Variants in VPS8 observed in about 807,000 individuals in gnomAD.
VPS8 encodes the protein vacuolar protein sorting-associated protein 8 homolog.
In VPS8, 129 loss-of-function variants were observed where a neutral mutation model predicts 216.4. That is an observed-to-expected ratio of 0.60 (90% CI 0.52 to 0.69). The LOEUF (loss-of-function observed/expected upper bound fraction) is 0.69, where lower values mean the gene tolerates loss of function less well. VPS8 is among the 30% of genes least tolerant of loss of function. The pLI is 0.00. For synonymous variants in VPS8, 571 were observed against 565.4 expected (o/e 1.01, Z -0.14); for missense variants, 1,531 against 1,683.5 (o/e 0.91, Z 1.59).
intron 45 of VPS8, 122 bp downstream of exon 45, chr3:184,999,983 T>C: frequency 9.0e-7 from 1 of 1,107,286 alleles, no homozygotes; most frequent in South Asian, 1.7e-5. Context: ...ATTGGGTACA[T>C]GAAATGTTCT....
At chr3:184,829,577 T>C (rs1719556047) in intron 3 of VPS8, among the ~76,000 whole-genome samples, 1 of 152,178 alleles carries the variant, frequency 6.6e-6, no homozygotes, top group Non-Finnish European at 1.5e-5. Context: ...CAGGTATAGT[T>C]ATATTCAGCT....
intron 29 of VPS8, among the ~76,000 whole-genome samples, chr3:184,923,606 G>A (rs1185105073): frequency 6.6e-6 from 1 of 152,124 alleles, no homozygotes; most frequent in Non-Finnish European, 1.5e-5. Flanking sequence ...ACGTTTAGTA[G>A]CTCCCCAGTT....
At position 184,839,757 on chromosome 3, in the gene VPS8, AT is replaced by A; in HGVS notation, c.535+10del. 6.3e-7 allele frequency: 1 copy of A among 1,594,212 alleles called. No individual in the cohort carries two copies. The highest frequency in any genetic ancestry group is 8.6e-7 in the Non-Finnish European group (1 of 1,169,050). On this transcript the variant is annotated splice_donor_region_variant and intron_variant, in intron 7 of 47. Transcript: ENST00000625842. ...ATGGATTGGCTTTAATATTTGGTAAATTTTTAAGTGCTTTCCTGCTTTTAAA... is the reference window on the plus strand; with the variant it reads ...ATGGATTGGCTTTAATATTTGGTAAATTTTAAGTGCTTTCCTGCTTTTAAA...
At chr3:184,913,255 G>C (rs1190812478) in intron 25 of VPS8, among the ~76,000 whole-genome samples, 4 of 152,154 alleles carry the variant, frequency 2.6e-5, no homozygotes, top group Admixed American at 6.5e-5. Context: ...CCCCAAGTTA[G>C]TTAGGCCAAC....
chr3:185,007,966 G>T (rs1373992772), intron 45 of VPS8, among the ~76,000 whole-genome samples: 7 of 151,946 alleles, frequency 4.6e-5, no homozygotes, highest in African/African-American at 1.7e-4. Context: ...TGATATTAAT[G>T]CCTGTTTTCA....
chr3:184,837,064 T>C (rs1721230992), intron 5 of VPS8, among the ~76,000 whole-genome samples: 1 of 152,200 alleles, frequency 6.6e-6, no homozygotes, highest in Admixed American at 6.5e-5. Flanking sequence ...TGCAGATTCC[T>C]GGGGCTCACC....
intron 35 of VPS8, among the ~76,000 whole-genome samples, chr3:184,937,003 C>T (rs756023501): frequency 2.6e-5 from 4 of 152,170 alleles, no homozygotes; most frequent in Non-Finnish European, 4.4e-5. Flanking sequence ...TCCCAAGGTG[C>T]TGGGATTACA....
intron 25 of VPS8, among the ~76,000 whole-genome samples, chr3:184,904,386 G>GTTTGAGTGTT (rs1735108234): frequency 6.6e-6 from 1 of 152,146 alleles, no homozygotes; most frequent in African/African-American, 2.4e-5. Context: ...TCTTTACCCA[G>GTTTGAGTGTT]TTTGAGTGTT....
In VPS8 at chr3:184,913,639, C is replaced by T; in HGVS notation, c.2189+78C>T. 5 of 1,200,096 alleles carry T rather than the reference C, an allele frequency of 4.2e-6. No homozygotes were observed. In the South Asian group the frequency reaches 7.1e-5, roughly 17 times the overall value. 74.3% of individuals were successfully genotyped at this position (1,200,096 alleles called of 1,614,324 possible). A position where few individuals can be genotyped will look rare whatever the true frequency, so the allele number is the denominator to read the frequency against. On this transcript the variant is annotated intron_variant, in intron 26 of 47. Transcript: ENST00000625842. ...TATATTTTTAGAGATACTATGATCT[C>T]TTATCTATATAGTACTTTTAATTTT...
chr3:184,942,372 T>A (rs1742875862), intron 36 of VPS8, among the ~76,000 whole-genome samples: 1 of 152,150 alleles, frequency 6.6e-6, no homozygotes, highest in African/African-American at 2.4e-5. Context: ...GATAATTACC[T>A]CTCACACATT....
At chr3:185,021,717 A>G (rs1013927576) in intron 45 of VPS8, among the ~76,000 whole-genome samples, 1 of 152,204 alleles carries the variant, frequency 6.6e-6, no homozygotes, top group African/African-American at 2.4e-5. Context: ...TTGAGCTGAG[A>G]TGTGTTTTCT....
At position 184,860,092 on chromosome 3, in the gene VPS8, C is replaced by T; in HGVS notation, c.1224+27C>T. The stretch of plus-strand genomic sequence containing the variant: ...TGAGTATTATTCAAATTAAATATCC[C>T]CATTTAGTTCATGTAATTGTTCTGA... On this transcript the variant is annotated intron_variant, in intron 15 of 47. Transcript: ENST00000625842. The T allele has an allele frequency of 3.3e-6, 5 of 1,515,096 alleles. No individual in the cohort carries two copies. The South Asian group carries it at 5.8e-5, about 17-fold the overall frequency. 93.9% of individuals were successfully genotyped at this position (1,515,096 alleles called of 1,614,324 possible).
intron 14 of VPS8, among the ~76,000 whole-genome samples, chr3:184,857,388 A>G (rs1315472096): frequency 6.6e-6 from 1 of 152,234 alleles, no homozygotes; most frequent in Non-Finnish European, 1.5e-5. Flanking sequence ...TTTTCTTCCT[A>G]AACAGTATCT....
chr3:184,883,388 C>T (rs753223302), intron 21 of VPS8, among the ~76,000 whole-genome samples: 23 of 152,164 alleles, frequency 1.5e-4, no homozygotes, highest in Non-Finnish European at 1.5e-4. Context: ...AGGTGTTCCT[C>T]AGATCTGCTG....
At chr3:184,979,337 C>T (rs1001812428) in intron 40 of VPS8, among the ~76,000 whole-genome samples, 1 of 152,142 alleles carries the variant, frequency 6.6e-6, no homozygotes, top group Non-Finnish European at 1.5e-5. Context: ...GTGTCACATT[C>T]AGGTCCTGAG....
chr3:184,939,376 CAGAT>C (rs1183001504), intron 35 of VPS8, among the ~76,000 whole-genome samples: 6 of 151,668 alleles, frequency 4.0e-5, no homozygotes, highest in African/African-American at 1.2e-4. Flanking sequence ...CCATTTTTTA[CAGAT>C]AAAGTGTGAA....
intron 1 of VPS8, among the ~76,000 whole-genome samples, chr3:184,819,642 A>G (rs1281313478): frequency 6.6e-6 from 1 of 152,218 alleles, no homozygotes; most frequent in African/African-American, 2.4e-5. Context: ...AAGGGTTAAT[A>G]TTTCAGAATG....
chr3:184,829,183 T>A (rs1209765899), intron 3 of VPS8, among the ~76,000 whole-genome samples: 1 of 152,192 alleles, frequency 6.6e-6, no homozygotes, highest in Non-Finnish European at 1.5e-5. Context: ...ATGTACATAC[T>A]TACACACATT....
At position 184,936,515 on chromosome 3, in the gene VPS8, CTGTG is replaced by C. The variant is rs59011109; in HGVS notation, c.2988+223_2988+226del. On this transcript the variant is annotated intron_variant, in intron 35 of 47. Coordinates refer to ENST00000625842, the MANE Select transcript of VPS8 (RefSeq NM_001009921.3). ...TTTCTTTAATGGCACCAACCTAATA[CTGTG>C]TGTGTGTGTGTGTGTGTGTGTGTGT... Among the ~76,000 whole-genome samples, 1,063 of 119,424 alleles carry C rather than the reference CTGTG, an allele frequency of 8.9e-3. 8 individuals carry two copies. Among genetic ancestry groups the C allele is most frequent in the African/African-American group, 0.027 (845 of 31,236 alleles). 78.3% of individuals were successfully genotyped at this position (119,424 alleles called of 152,430 possible). A position where few individuals can be genotyped will look rare whatever the true frequency, so the allele number is the denominator to read the frequency against.
Sources: allele counts gnomAD v4.1 joint callset (sites outside exome capture counted in the v4.1 genomes callset), GRCh38; gene constraint gnomAD v4.1.1; transcripts MANE v1.5; gene names NCBI Gene and HGNC (gene_info 2026-07-23, HGNC 2026-07-21).